The following CADPS variants were observed in gnomAD, a reference collection of about 807,000 sequenced individuals.
CADPS encodes the protein calcium dependent secretion activator.
A neutral mutation model predicts 167.3 loss-of-function variants in CADPS; 57 were observed. The ratio of observed to expected loss-of-function variants is 0.34; its 90% CI spans 0.28 to 0.42. CADPS has a LOEUF of 0.42. Among genes scored for constraint, CADPS ranks in the 20% least tolerant of loss-of-function variants. The pLI is 1.00. For synonymous variants in CADPS, 676 were observed against 635.3 expected, an observed-to-expected ratio of 1.06 and a Z score of -0.96; for missense variants, 1,414 against 1,738.1, an observed-to-expected ratio of 0.81 and a Z score of 3.32.
chr3:62,478,720 A>G lies in CADPS; in HGVS notation c.3174-304T>C, dbSNP rs2150753942. ...CAGCCTTCTTTTAATAACCACATTAACACATGTGATGATTCAGATGAAGGC... is the reference window on the plus strand; with the variant it reads ...CAGCCTTCTTTTAATAACCACATTAGCACATGTGATGATTCAGATGAAGGC... On this transcript the variant is annotated intron_variant, in intron 22 of 29. Transcript: ENST00000383710. The surrounding 1 kb of genome is among the most constrained non-coding windows in gnomAD (Gnocchi z 5.7). Among the ~76,000 whole-genome samples, 1 of 152,296 alleles carries G rather than the reference A, an allele frequency of 6.6e-6. No homozygotes were observed. The highest frequency in any genetic ancestry group is 2.4e-5 in the African/African-American group (1 of 41,556).
At chr3:62,430,424 C>T (rs1295549549) in intron 28 of CADPS, among the ~76,000 whole-genome samples, 1 of 152,120 alleles carries the variant, frequency 6.6e-6, no homozygotes, top group African/African-American at 2.4e-5. Context: ...GAGGAATTAT[C>T]AAAACTGTTA....
chr3:62,445,213 A>T (rs953351468), intron 27 of CADPS, among the ~76,000 whole-genome samples: 1 of 152,204 alleles, frequency 6.6e-6, no homozygotes, highest in African/African-American at 2.4e-5. Flanking sequence ...TGAGGCCTGC[A>T]CTAAATTATA....
intron 17 of CADPS, among the ~76,000 whole-genome samples, chr3:62,510,382 A>T (rs2067559104): frequency 6.6e-6 from 1 of 152,312 alleles, no homozygotes; most frequent in Non-Finnish European, 1.5e-5. Flanking sequence ...AAATTATGCA[A>T]GTATTTAGCC....
chr3:62,600,827 A>G (rs2059849412), intron 6 of CADPS, among the ~76,000 whole-genome samples: 1 of 152,198 alleles, frequency 6.6e-6, no homozygotes, highest in South Asian at 2.1e-4. Context: ...GTTTTATTAT[A>G]AATATAGCCA....
intron 13 of CADPS, among the ~76,000 whole-genome samples, chr3:62,527,814 G>A (rs2072675962): frequency 6.6e-6 from 1 of 152,030 alleles, no homozygotes; most frequent in Non-Finnish European, 1.5e-5. Context: ...AGTGGAAATG[G>A]GCTCTATTCA....
chr3:62,447,576 G>A, intron 26 of CADPS, among the ~76,000 whole-genome samples: 1 of 152,182 alleles, frequency 6.6e-6, no homozygotes, highest in Non-Finnish European at 1.5e-5. Flanking sequence ...AAAATTTATA[G>A]AGGGAAGCAA....
intron 12 of CADPS, among the ~76,000 whole-genome samples, chr3:62,535,527 T>G (rs1301690638): frequency 6.6e-6 from 1 of 152,012 alleles, no homozygotes; most frequent in Non-Finnish European, 1.5e-5. Context: ...TATTATATAG[T>G]ATAAATATTA....
chr3:62,739,036 T>C (rs2079617813), intron 3 of CADPS, among the ~76,000 whole-genome samples: 1 of 152,194 alleles, frequency 6.6e-6, no homozygotes, highest in African/African-American at 2.4e-5. Flanking sequence ...GCAATATGAA[T>C]TTATAGCTCC....
chr3:62,833,446 T>C (rs1252240802), intron 1 of CADPS, among the ~76,000 whole-genome samples: 2 of 151,758 alleles, frequency 1.3e-5, no homozygotes, highest in African/African-American at 2.4e-5. Context: ...GAAGCCACTT[T>C]GGGAGGCTGA....
intron 1 of CADPS, among the ~76,000 whole-genome samples, chr3:62,840,511 AG>A (rs1409198474): frequency 6.6e-6 from 1 of 152,150 alleles, no homozygotes; most frequent in Non-Finnish European, 1.5e-5. Flanking sequence ...TCTATTTTTG[AG>A]GACTCTTTTC....
chr3:62,641,483 T>G (rs1433919332), intron 6 of CADPS, among the ~76,000 whole-genome samples: 1 of 152,146 alleles, frequency 6.6e-6, no homozygotes, highest in East Asian at 1.9e-4. Context: ...TCTGCTCTAT[T>G]TCAAAGAGAG....
At position 62,599,718 on chromosome 3, in the gene CADPS, AAT is replaced by A. The variant is rs1178007740; in HGVS notation, c.1326-6972_1326-6971del. 4.1e-4 allele frequency among the ~76,000 whole-genome samples: 5 copies of A among 12,188 alleles called. 1 individual carries two copies. The highest frequency in any genetic ancestry group is 8.2e-4 in the African/African-American group (4 of 4,902). 8.0% of individuals were successfully genotyped at this position (12,188 alleles called of 152,430 possible). A position where few individuals can be genotyped will look rare whatever the true frequency, so the allele number is the denominator to read the frequency against. Reference sequence around the variant, plus strand: ...ATAATATATATATTATATAATATATAATATATATAGTATATATAATATATATA... The same window carrying A: ...ATAATATATATATTATATAATATATAATATATAGTATATATAATATATATA... On this transcript the variant is annotated intron_variant, in intron 6 of 29. Coordinates refer to ENST00000383710, the MANE Select transcript of CADPS (RefSeq NM_003716.4).
chr3:62,547,590 C>CCCA (rs1553906141), intron 11 of CADPS, among the ~76,000 whole-genome samples: 2 of 94,920 alleles, frequency 2.1e-5, no homozygotes, highest in Non-Finnish European at 4.3e-5. Context: ...ATTTACGCCC[C>CCCA]CCCCCCCCCG....
intron 3 of CADPS, among the ~76,000 whole-genome samples, chr3:62,727,240 A>G (rs1052503403): frequency 1.3e-5 from 2 of 151,916 alleles, no homozygotes; most frequent in African/African-American, 4.9e-5. Context: ...TTCAAACTAC[A>G]AACCAGAATA....
intron 12 of CADPS, chr3:62,536,110 A>G (rs904849051): frequency 1.9e-5 from 4 of 212,472 alleles, no homozygotes; most frequent in African/African-American, 4.5e-5. Context: ...GGCATCTTAA[A>G]CTCTAAGCTA....
chr3:62,516,509 A>T, intron 15 of CADPS, 71 bp downstream of exon 15: 2 of 1,251,876 alleles, frequency 1.6e-6, no homozygotes, highest in South Asian at 2.8e-5. Flanking sequence ...TCATTCAACC[A>T]AAACATTTCA....
chr3:62,539,871 A>G (rs533863314), intron 11 of CADPS, among the ~76,000 whole-genome samples: 2 of 152,278 alleles, frequency 1.3e-5, no homozygotes, highest in East Asian at 3.9e-4. Context: ...CACAAACACT[A>G]GATTTGAGAC....
intron 1 of CADPS, among the ~76,000 whole-genome samples, chr3:62,869,651 T>C (rs2082278292): frequency 6.6e-6 from 1 of 152,172 alleles, no homozygotes; most frequent in South Asian, 2.1e-4. Context: ...ACTTTCTTAT[T>C]CAGCTTATTT....
chr3:62,781,932 C>A (rs1449132919), intron 1 of CADPS, among the ~76,000 whole-genome samples: 2 of 152,194 alleles, frequency 1.3e-5, no homozygotes. Flanking sequence ...AGAGCCCTCA[C>A]AATTTGACTG....
Sources: allele counts gnomAD v4.1 joint callset (sites outside exome capture counted in the v4.1 genomes callset), GRCh38; gene constraint gnomAD v4.1.1; non-coding constraint Gnocchi (gnomAD v3.1); transcripts MANE v1.5; gene names NCBI Gene and HGNC (gene_info 2026-07-23, HGNC 2026-07-21).